Variants in WDR70 observed in about 807,000 individuals in gnomAD.
WDR70 encodes the protein WD repeat-containing protein 70.
A neutral mutation model predicts 88.6 loss-of-function variants in WDR70; 53 were observed. The ratio of observed to expected loss-of-function variants is 0.60; its 90% CI spans 0.48 to 0.75. The LOEUF is 0.75. WDR70 is among the 30% of genes least tolerant of loss of function. The pLI is 0.00. For synonymous variants in WDR70, 280 were observed against 270.0 expected, an observed-to-expected ratio of 1.04 and a Z score of -0.36; for missense variants, 610 against 823.2, an observed-to-expected ratio of 0.74 and a Z score of 3.17.
intron 5 of WDR70, among the ~76,000 whole-genome samples, chr5:37,405,956 T>C (rs1749339697): frequency 6.6e-6 from 1 of 152,016 alleles, no homozygotes; most frequent in Non-Finnish European, 1.5e-5. Context: ...GGTGGGAGGA[T>C]CACTTGAGCC....
At chr5:37,490,536 T>C (rs1365435171) in intron 8 of WDR70, among the ~76,000 whole-genome samples, 1 of 152,162 alleles carries the variant, frequency 6.6e-6, no homozygotes, top group African/African-American at 2.4e-5. Flanking sequence ...TCAAGGCACA[T>C]GTACCACAGT....
intron 7 of WDR70, among the ~76,000 whole-genome samples, chr5:37,455,245 T>TTC (rs772233522): frequency 1.8e-5 from 1 of 54,482 alleles, no homozygotes; most frequent in Non-Finnish European, 6.7e-5. Context: ...CTTTCTTTCT[T>TTC]TTTTTTTTTT....
chr5:37,522,004 C>T (rs947663598), intron 9 of WDR70, among the ~76,000 whole-genome samples: 1 of 152,098 alleles, frequency 6.6e-6, no homozygotes, highest in African/African-American at 2.4e-5. Context: ...GTAAGTGTTG[C>T]ATTTTCACTG....
intron 8 of WDR70, among the ~76,000 whole-genome samples, chr5:37,496,416 G>A (rs1740216675): frequency 6.6e-6 from 1 of 152,138 alleles, no homozygotes; most frequent in South Asian, 2.1e-4. Context: ...GAACCCACTG[G>A]AAGGAAGAAA....
chr5:37,752,443 T>C, intron 17 of WDR70, 43 bp from the exon 18 acceptor site: 2 of 1,512,224 alleles, frequency 1.3e-6, no homozygotes, highest in South Asian at 2.4e-5. Flanking sequence ...AACAAATACT[T>C]TCTGACTAAA....
chr5:37,461,534 A>C (rs1053425136), intron 7 of WDR70, among the ~76,000 whole-genome samples: 2 of 151,942 alleles, frequency 1.3e-5, no homozygotes, highest in African/African-American at 4.8e-5. Context: ...CCCAGGCTGG[A>C]GTGCAGTGGC....
chr5:37,567,440 A>T (rs1742776034), intron 9 of WDR70, among the ~76,000 whole-genome samples: 1 of 152,208 alleles, frequency 6.6e-6, no homozygotes. Context: ...GAAAAACTAA[A>T]CGATTTAAAA....
chr5:37,462,062 CA>C (rs926154383), intron 7 of WDR70, among the ~76,000 whole-genome samples: 5 of 152,082 alleles, frequency 3.3e-5, no homozygotes, highest in African/African-American at 4.8e-5. Flanking sequence ...TTCCAGTTTT[CA>C]GTAGTCCTTT....
At chr5:37,584,084 G>A (rs1305289893) in intron 9 of WDR70, among the ~76,000 whole-genome samples, 5 of 152,276 alleles carry the variant, frequency 3.3e-5, no homozygotes, top group Middle Eastern at 3.4e-3. Context: ...GAATGTTTAC[G>A]TTAATTATTA....
chr5:37,505,823 C>T (rs1242592906), intron 8 of WDR70: 1 of 1,387,814 alleles, frequency 7.2e-7, no homozygotes, highest in Non-Finnish European at 1.0e-6. Flanking sequence ...TGGTTCCTGC[C>T]AGAGTTGCTC....
intron 11 of WDR70, chr5:37,700,181 T>C (rs908014589): frequency 6.6e-6 from 1 of 152,082 alleles, no homozygotes; most frequent in African/African-American, 2.4e-5. Flanking sequence ...TCTCATTCCT[T>C]ATTGGACCCA....
intron 10 of WDR70, among the ~76,000 whole-genome samples, chr5:37,658,220 T>C (rs1212621121): frequency 1.3e-5 from 2 of 150,864 alleles, no homozygotes; most frequent in Non-Finnish European, 3.0e-5. Context: ...GGGGGTAGCA[T>C]AGGCAGGGCA....
intron 8 of WDR70, among the ~76,000 whole-genome samples, chr5:37,500,901 C>A (rs752126047): frequency 2.1e-4 from 32 of 151,724 alleles, no homozygotes; most frequent in Admixed American, 5.3e-4. Flanking sequence ...CCACACCTGG[C>A]TAATTTTTTG....
At chr5:37,590,846 T>A (rs1008501171) in intron 9 of WDR70, among the ~76,000 whole-genome samples, 12 of 151,944 alleles carry the variant, frequency 7.9e-5, no homozygotes, top group Non-Finnish European at 1.2e-4. Flanking sequence ...TATCCAAGAT[T>A]CAACCTTAAG....
At chr5:37,425,887 T>G (rs2112007154) in intron 5 of WDR70, among the ~76,000 whole-genome samples, 1 of 152,286 alleles carries the variant, frequency 6.6e-6, no homozygotes, top group East Asian at 1.9e-4. Context: ...GAGCAGAGTT[T>G]GGAGGCTGAG....
At position 37,610,348 on chromosome 5, in the gene WDR70, A is replaced by C. The variant is rs561497855; in HGVS notation, c.1092+5110A>C. On this transcript the variant is annotated intron_variant, in intron 10 of 17. Transcript: ENST00000265107. ...TTAATTTGAAAGCATAAAATAGTAGATATAGCTTGATTTCTTTGCTTTTTT... is the reference window on the plus strand; with the variant it reads ...TTAATTTGAAAGCATAAAATAGTAGCTATAGCTTGATTTCTTTGCTTTTTT... Among the ~76,000 whole-genome samples the C allele has an allele frequency of 2.6e-5, 4 of 151,610 alleles. No individual in the cohort carries two copies. The South Asian group carries it at 8.4e-4, about 32-fold the overall frequency.
chr5:37,408,063 A>G (rs1470523531), intron 5 of WDR70, among the ~76,000 whole-genome samples: 2 of 152,190 alleles, frequency 1.3e-5, no homozygotes, highest in Non-Finnish European at 1.5e-5. Context: ...TTGCAGGTCC[A>G]GGATATCTCA....
At chr5:37,490,167 C>T (rs1740024620) in intron 8 of WDR70, among the ~76,000 whole-genome samples, 1 of 152,148 alleles carries the variant, frequency 6.6e-6, no homozygotes, top group African/African-American at 2.4e-5. Flanking sequence ...TGATAGAGAG[C>T]ACTGGGGTTG....
intron 17 of WDR70, among the ~76,000 whole-genome samples, chr5:37,729,888 CT>C: frequency 6.6e-6 from 1 of 152,210 alleles, no homozygotes; most frequent in African/African-American, 2.4e-5. Flanking sequence ...CCCAGTCCCC[CT>C]TTTTTTCAGT....
Sources: gnomAD v4.1 joint callset for allele counts (sites outside exome capture counted in the v4.1 genomes callset) on GRCh38, gnomAD v4.1.1 for gene constraint, MANE v1.5 for transcripts, NCBI Gene and HGNC (gene_info 2026-07-23, HGNC 2026-07-21) for gene names.